Variants in WWOX observed in about 807,000 individuals in gnomAD.
The protein encoded by WWOX is WW domain-containing oxidoreductase.
A neutral mutation model predicts 46.2 loss-of-function variants in WWOX; 69 were observed. That is an observed-to-expected ratio of 1.49 (90% CI 1.23 to 1.82). The LOEUF is 1.82. Among genes scored for constraint, WWOX ranks in the 40% most tolerant of loss-of-function variants. The pLI is 0.00. For synonymous variants in WWOX, 359 were observed against 202.6 expected (o/e 1.77, Z -6.56); for missense variants, 919 against 542.6 (o/e 1.69, Z -6.89).
chr16:79,023,531 T>G (rs7199119), intron 8 of WWOX, among the ~76,000 whole-genome samples: 3 of 152,000 alleles, frequency 2.0e-5, no homozygotes, highest in South Asian at 2.1e-4. Flanking sequence ...GGGGCGTCCT[T>G]TAAGGTCTGA....
intron 8 of WWOX, among the ~76,000 whole-genome samples, chr16:78,904,879 GCA>G (rs1449002716): frequency 1.3e-5 from 2 of 152,134 alleles, no homozygotes; most frequent in African/African-American, 2.4e-5. Flanking sequence ...TTTTAAAGAA[GCA>G]CACACACCTT....
rs561341018 is a variant in WWOX, at chr16:79,039,681, C to T, written c.1057-171927C>T. On this transcript the variant is annotated intron_variant, in intron 8 of 8. Transcript: ENST00000566780. ...GTCCATTGTTCCTTGTGCCATCTTT[C>T]TTAAGAAAACATGAGGAGGAGCAGG... is the stretch of plus-strand genomic sequence containing the variant. Among the ~76,000 whole-genome samples, 15 of 152,298 alleles carry T rather than the reference C, an allele frequency of 9.8e-5. No homozygotes were observed. In the South Asian group the frequency reaches 3.1e-3, roughly 32 times the overall value.
At chr16:78,793,733 G>A (rs1294295376) in intron 8 of WWOX, among the ~76,000 whole-genome samples, 1 of 151,942 alleles carries the variant, frequency 6.6e-6, no homozygotes, top group African/African-American at 2.4e-5. Flanking sequence ...CCTTGCAGTG[G>A]GATAAACATT....
intron 8 of WWOX, among the ~76,000 whole-genome samples, chr16:78,621,396 C>T (rs572253834): frequency 3.3e-5 from 5 of 152,100 alleles, no homozygotes; most frequent in Admixed American, 1.3e-4. Context: ...ATCCTCACCC[C>T]TTTCACCTCT....
At chr16:78,979,929 C>G (rs1597232761) in intron 8 of WWOX, among the ~76,000 whole-genome samples, 1 of 152,048 alleles carries the variant, frequency 6.6e-6, no homozygotes, top group Non-Finnish European at 1.5e-5. Flanking sequence ...GAGATTGAGA[C>G]CATCCTGGCT....
intron 8 of WWOX, among the ~76,000 whole-genome samples, chr16:78,685,591 C>T (rs752223903): frequency 4.6e-5 from 7 of 152,220 alleles, no homozygotes; most frequent in Non-Finnish European, 8.8e-5. Context: ...GCAGTACGTA[C>T]ATAACTGTTC....
chr16:78,442,191 T>A (rs1301242718), intron 8 of WWOX, among the ~76,000 whole-genome samples: 11 of 152,228 alleles, frequency 7.2e-5, no homozygotes, highest in Non-Finnish European at 4.4e-5. Flanking sequence ...TGTTTTGATA[T>A]TCATATGCAT....
intron 5 of WWOX, among the ~76,000 whole-genome samples, chr16:78,347,619 A>C (rs926515789): frequency 8.3e-6 from 1 of 121,204 alleles, no homozygotes; most frequent in Admixed American, 8.0e-5. Context: ...TAAATAAATG[A>C]ACTTGTGTTC....
chr16:79,106,967 T>A lies in WWOX; in HGVS notation c.1057-104641T>A, dbSNP rs549911802. Among the ~76,000 whole-genome samples the A allele has an allele frequency of 9.2e-5, 14 of 151,998 alleles. No homozygotes were observed. The East Asian group carries it at 2.7e-3, about 30-fold the overall frequency. On this transcript the variant is annotated intron_variant, in intron 8 of 8. Coordinates refer to ENST00000566780, the MANE Select transcript of WWOX (RefSeq NM_016373.4). ...GGATTCTGGGTGCCCCCCGCAACCA[T>A]GTCCCACGAATTTTTGTATTGTTAG...
At chr16:78,509,024 C>A (rs570485917) in intron 8 of WWOX, among the ~76,000 whole-genome samples, 174 of 152,384 alleles carry the variant, frequency 1.1e-3, no homozygotes, top group African/African-American at 4.0e-3. Flanking sequence ...GCTTTGTAGA[C>A]ACGTATGTGT....
intron 8 of WWOX, chr16:79,106,503 A>G (rs1308288411): frequency 6.7e-6 from 1 of 149,784 alleles, no homozygotes; most frequent in African/African-American, 2.5e-5. Context: ...ACTTTGGAGT[A>G]TGAGTGCGTA....
At chr16:78,800,088 A>G (rs928802906) in intron 8 of WWOX, among the ~76,000 whole-genome samples, 2 of 152,142 alleles carry the variant, frequency 1.3e-5, no homozygotes, top group African/African-American at 4.8e-5. Flanking sequence ...TGGCTCTGAG[A>G]TGATACGTTT....
intron 8 of WWOX, among the ~76,000 whole-genome samples, chr16:79,115,426 G>A (rs889559640): frequency 7.0e-6 from 1 of 142,646 alleles, no homozygotes; most frequent in Admixed American, 7.3e-5. Flanking sequence ...GAAGCCCAGA[G>A]TGAAGCCAGG....
At chr16:78,432,013 A>T (rs761466871) in intron 7 of WWOX, among the ~76,000 whole-genome samples, 2 of 152,106 alleles carry the variant, frequency 1.3e-5, no homozygotes, top group Non-Finnish European at 2.9e-5. Context: ...ACCAGACATG[A>T]CCTGTGTTTA....
intron 8 of WWOX, among the ~76,000 whole-genome samples, chr16:78,832,995 A>G (rs913506206): frequency 1.1e-4 from 16 of 151,140 alleles, no homozygotes; most frequent in Admixed American, 1.1e-3. Flanking sequence ...GGTGGGATAT[A>G]GAAAAGCAAA....
intron 8 of WWOX, among the ~76,000 whole-genome samples, chr16:78,573,936 C>T (rs1177708264): frequency 6.6e-6 from 1 of 152,172 alleles, no homozygotes; most frequent in Non-Finnish European, 1.5e-5. Context: ...GGGTCCTCTG[C>T]CTAGGGTTTC....
At chr16:78,543,183 C>G (rs72803939) in intron 8 of WWOX, among the ~76,000 whole-genome samples, 11,885 of 152,280 alleles carry the variant, frequency 0.078, 602 homozygotes, top group South Asian at 0.12. Flanking sequence ...GCTGCTACAT[C>G]TGGCACAGAT....
At chr16:78,707,095 C>T (rs2048342797) in intron 8 of WWOX, among the ~76,000 whole-genome samples, 5 of 152,190 alleles carry the variant, frequency 3.3e-5, no homozygotes, top group Admixed American at 3.3e-4. Flanking sequence ...GAATAATTGA[C>T]ATCCAGGTTA....
chr16:78,880,163 A>G (rs1339525832), intron 8 of WWOX, among the ~76,000 whole-genome samples: 2 of 152,224 alleles, frequency 1.3e-5, no homozygotes, highest in African/African-American at 2.4e-5. Context: ...GTTGGATCAA[A>G]TCAGACATCA....
Sources: gnomAD v4.1 joint callset for allele counts (sites outside exome capture counted in the v4.1 genomes callset) on GRCh38, gnomAD v4.1.1 for gene constraint, MANE v1.5 for transcripts, NCBI Gene and HGNC (gene_info 2026-07-23, HGNC 2026-07-21) for gene names.